Variants in NRXN3 observed in about 807,000 individuals in gnomAD.
The protein encoded by NRXN3 is neurexin 3.
NRXN3 carries 32 observed loss-of-function variants against 137.6 expected under a neutral mutation model. The observed-to-expected ratio is 0.23, with a 90% CI of 0.18 to 0.31. The LOEUF (loss-of-function observed/expected upper bound fraction) is 0.31. NRXN3 is among the 10% of genes least tolerant of loss of function. The pLI is 1.00. For synonymous variants in NRXN3, 798 were observed against 784.5 expected (o/e 1.02, Z -0.29); for missense variants, 1,574 against 2,062.5 (o/e 0.76, Z 4.59).
At chr14:79,459,824 G>A (rs1335440965) in intron 15 of NRXN3, among the ~76,000 whole-genome samples, 1 of 151,890 alleles carries the variant, frequency 6.6e-6, no homozygotes, top group Non-Finnish European at 1.5e-5. Flanking sequence ...TGTCCCAAAG[G>A]AAAAACAATG....
chr14:78,866,761 T>C lies in NRXN3; in HGVS notation c.2275+56417T>C, dbSNP rs189705328. On this transcript the variant is annotated intron_variant, in intron 10 of 20. Transcript: ENST00000335750. ...GATACAGAAGTATAAACAATAAAAA[T>C]ACTACCATGTTGCATGCATGTATTA... Among the ~76,000 whole-genome samples, 11 of 151,148 alleles carry C rather than the reference T, an allele frequency of 7.3e-5. 1 individual carries two copies. The East Asian group carries it at 2.1e-3, about 29-fold the overall frequency.
At chr14:78,286,821 TG>T (rs2075236940) in intron 3 of NRXN3, among the ~76,000 whole-genome samples, 1 of 152,186 alleles carries the variant, frequency 6.6e-6, no homozygotes, top group African/African-American at 2.4e-5. Context: ...ATTCCATGTG[TG>T]GTTACATGTG....
intron 16 of NRXN3, among the ~76,000 whole-genome samples, chr14:79,612,059 A>G (rs540320853): frequency 2.0e-5 from 3 of 152,300 alleles, no homozygotes; most frequent in South Asian, 2.1e-4. Context: ...CTGTGATGCT[A>G]TTATTGGGGT....
At chr14:79,535,205 TA>T (rs1399440612) in intron 16 of NRXN3, among the ~76,000 whole-genome samples, 3 of 152,130 alleles carry the variant, frequency 2.0e-5, no homozygotes, top group Non-Finnish European at 4.4e-5. Context: ...AATTATGAAA[TA>T]AAACAAAGCA....
intron 16 of NRXN3, among the ~76,000 whole-genome samples, chr14:79,517,104 T>TC (rs2096997350): frequency 1.2e-5 from 1 of 83,906 alleles, no homozygotes; most frequent in South Asian, 4.2e-4. Context: ...CCCCCCCCCC[T>TC]CAACGAATGG....
intron 4 of NRXN3, among the ~76,000 whole-genome samples, chr14:78,493,913 A>G (rs943321620): frequency 6.6e-6 from 1 of 152,202 alleles, no homozygotes; most frequent in African/African-American, 2.4e-5. Flanking sequence ...CATGGACTGA[A>G]GTAAACACGC....
At chr14:78,204,521 T>C (rs2061996942) in intron 1 of NRXN3, among the ~76,000 whole-genome samples, 1 of 152,254 alleles carries the variant, frequency 6.6e-6, no homozygotes, top group Non-Finnish European at 1.5e-5. Context: ...AGTTGAAATA[T>C]CTTAAGTTCT....
intron 15 of NRXN3, among the ~76,000 whole-genome samples, chr14:79,200,373 G>A (rs567464125): frequency 4.6e-5 from 7 of 152,216 alleles, no homozygotes; most frequent in South Asian, 4.2e-4. Flanking sequence ...AGAGTATACC[G>A]GGGAAGCAAG....
chr14:79,740,377 C>T (rs541081504), intron 19 of NRXN3, among the ~76,000 whole-genome samples: 152 of 152,056 alleles, frequency 1.0e-3, no homozygotes, highest in Non-Finnish European at 2.0e-3. Flanking sequence ...CAAAACTTTC[C>T]GTGACTCCTG....
chr14:78,464,980 T>A (rs1209897182), intron 4 of NRXN3, among the ~76,000 whole-genome samples: 1 of 152,252 alleles, frequency 6.6e-6, no homozygotes, highest in Non-Finnish European at 1.5e-5. Context: ...TATAGTTGAT[T>A]CTAAAGAGTT....
In NRXN3 at chr14:78,240,483, G is replaced by C. The variant is rs145986298; in HGVS notation, c.-703-1908G>C. 3.9e-3 allele frequency among the ~76,000 whole-genome samples: 600 copies of C among 152,266 alleles called. 2 individuals carry two copies. The highest frequency in any genetic ancestry group is 0.014 in the African/African-American group (587 of 41,522). On this transcript the variant is annotated intron_variant, in intron 1 of 20. Transcript: ENST00000335750. ...TGCCAGATAGGGACTGTTATGGGGA[G>C]GGTGCTAAGTAAATATGCTGTGTAA...
intron 2 of NRXN3, among the ~76,000 whole-genome samples, chr14:78,269,872 G>T (rs1027691019): frequency 1.3e-5 from 2 of 152,214 alleles, no homozygotes; most frequent in African/African-American, 4.8e-5. Flanking sequence ...TTTCCAGAGA[G>T]TAGGGAATTC....
rs2142016660 is a variant in NRXN3 at position 79,867,979 on chromosome 14, T to A, written c.*6015T>A. ...ATCTGAGTTTTTTTTTTTTAATGATTACATGGGTTCTAGAGTCAAAATGCC... is the reference window on the plus strand; with the variant it reads ...ATCTGAGTTTTTTTTTTTTAATGATAACATGGGTTCTAGAGTCAAAATGCC... On this transcript the variant is annotated 3_prime_UTR_variant, in exon 21 of 21. Transcript: ENST00000335750. The A allele has an allele frequency of 6.6e-6, 1 of 151,822 alleles. No individual in the cohort carries two copies. Among genetic ancestry groups the A allele is most frequent in the South Asian group, 2.1e-4 (1 of 4,796 alleles). 9.4% of individuals were successfully genotyped at this position (151,822 alleles called of 1,614,324 possible). A position where few individuals can be genotyped will look rare whatever the true frequency, so the allele number is the denominator to read the frequency against.
chr14:79,772,874 C>G (rs963663563), intron 19 of NRXN3, among the ~76,000 whole-genome samples: 1 of 152,132 alleles, frequency 6.6e-6, no homozygotes, highest in Non-Finnish European at 1.5e-5. Flanking sequence ...TCACAACCTA[C>G]TTATCTGACA....
At chr14:79,459,833 T>C (rs567130068) in intron 15 of NRXN3, among the ~76,000 whole-genome samples, 1 of 152,032 alleles carries the variant, frequency 6.6e-6, no homozygotes, top group African/African-American at 2.4e-5. Flanking sequence ...GGAAAAACAA[T>C]GAGCTTATGA....
intron 15 of NRXN3, among the ~76,000 whole-genome samples, chr14:79,370,410 CG>C (rs1280815159): frequency 1.3e-5 from 2 of 151,398 alleles, no homozygotes; most frequent in East Asian, 1.9e-4. Flanking sequence ...CCTCTGCCTC[CG>C]GGGTTCAAAC....
intron 5 of NRXN3, among the ~76,000 whole-genome samples, chr14:78,647,783 A>G (rs139896908): frequency 0.011 from 1,697 of 152,378 alleles, 14 homozygotes; most frequent in South Asian, 0.028. Context: ...TGTGAATAAT[A>G]TAAGATTATT....
At chr14:78,958,205 G>T (rs2152969492) in intron 11 of NRXN3, among the ~76,000 whole-genome samples, 1 of 152,188 alleles carries the variant, frequency 6.6e-6, no homozygotes, top group Non-Finnish European at 1.5e-5. Flanking sequence ...TCAGAAGAGA[G>T]AATTACCCAT....
chr14:79,046,160 T>C (rs1353078304), intron 15 of NRXN3, among the ~76,000 whole-genome samples: 3 of 152,180 alleles, frequency 2.0e-5, no homozygotes, highest in Non-Finnish European at 4.4e-5. Flanking sequence ...ATAACACCTT[T>C]TGCATTTCTG....
Sources: gnomAD v4.1 joint callset for allele counts (sites outside exome capture counted in the v4.1 genomes callset) on GRCh38, gnomAD v4.1.1 for gene constraint, MANE v1.5 for transcripts, NCBI Gene and HGNC (gene_info 2026-07-23, HGNC 2026-07-21) for gene names.